The following LHFPL3 variants were observed in gnomAD, a reference collection of about 807,000 sequenced individuals.
LHFPL3 encodes LHFPL tetraspan subfamily member 3, also known as LHFPL tetraspan subfamily member 3 protein.
In LHFPL3, 5 loss-of-function variants were observed where a neutral mutation model predicts 19.3. That is an observed-to-expected ratio of 0.26 (90% CI 0.14 to 0.54). The LOEUF (loss-of-function observed/expected upper bound fraction) is 0.54, where lower values mean the gene tolerates loss of function less well. Ranked by LOEUF, LHFPL3 falls within the 20% of genes least tolerant of loss-of-function variation. The pLI is 0.94. For missense variants in LHFPL3, 249 were observed against 307.4 expected, an observed-to-expected ratio of 0.81 and a Z score of 1.42; for synonymous variants, 133 against 126.2, an observed-to-expected ratio of 1.05 and a Z score of -0.36.
intron 2 of LHFPL3, among the ~76,000 whole-genome samples, chr7:104,827,845 G>A (rs1790855802): frequency 6.6e-6 from 1 of 151,788 alleles, no homozygotes; most frequent in South Asian, 2.1e-4. Flanking sequence ...GCCATCTCTG[G>A]ATCACAGTCC....
intron 2 of LHFPL3, among the ~76,000 whole-genome samples, chr7:104,849,041 C>T (rs1791367069): frequency 1.3e-5 from 2 of 152,116 alleles, no homozygotes; most frequent in South Asian, 4.1e-4. Flanking sequence ...ATCCTCCCAC[C>T]TCAGCCTCCC....
chr7:104,442,965 G>A (rs1445809143), intron 1 of LHFPL3, among the ~76,000 whole-genome samples: 2 of 152,058 alleles, frequency 1.3e-5, no homozygotes, highest in Non-Finnish European at 2.9e-5. Context: ...GTATCCTTTG[G>A]TATGATAATC....
At chr7:104,740,993 G>A (rs1793925602) in intron 2 of LHFPL3, among the ~76,000 whole-genome samples, 2 of 152,166 alleles carry the variant, frequency 1.3e-5, no homozygotes, top group South Asian at 4.1e-4. Context: ...AATTCTAATT[G>A]TTGAACTATG....
At chr7:104,348,425 A>C (rs1790113564) in intron 1 of LHFPL3, among the ~76,000 whole-genome samples, 1 of 152,262 alleles carries the variant, frequency 6.6e-6, no homozygotes, top group Admixed American at 6.5e-5. Flanking sequence ...AAGATTAAAA[A>C]CGATGAACTA....
intron 2 of LHFPL3, among the ~76,000 whole-genome samples, chr7:104,825,855 T>C (rs1790807699): frequency 6.6e-6 from 1 of 151,822 alleles, no homozygotes; most frequent in African/African-American, 2.4e-5. Flanking sequence ...TCATCCCGAG[T>C]TGAGTTAGCT....
At chr7:104,834,788 A>AAC in intron 2 of LHFPL3, among the ~76,000 whole-genome samples, 1 of 151,972 alleles carries the variant, frequency 6.6e-6, no homozygotes, top group Non-Finnish European at 1.5e-5. Context: ...GTTTCGGTGG[A>AAC]ACATGCCCAA....
intron 1 of LHFPL3, among the ~76,000 whole-genome samples, chr7:104,719,087 T>C (rs528510403): frequency 2.0e-5 from 3 of 152,362 alleles, no homozygotes; most frequent in Admixed American, 1.3e-4. Flanking sequence ...GCATGTTCAG[T>C]TGGTATTTAT....
At chr7:104,431,609 C>CT (rs1354750183) in intron 1 of LHFPL3, among the ~76,000 whole-genome samples, 1 of 152,062 alleles carries the variant, frequency 6.6e-6, no homozygotes, top group East Asian at 1.9e-4. Flanking sequence ...AAAGTGGGCT[C>CT]TTTTTTGTGG....
At chr7:104,523,018 A>T (rs1360178960) in intron 1 of LHFPL3, among the ~76,000 whole-genome samples, 2 of 152,070 alleles carry the variant, frequency 1.3e-5, no homozygotes, top group Non-Finnish European at 2.9e-5. Context: ...ATATATGCAC[A>T]TATATACATA....
At chr7:104,712,837 T>G (rs992885950) in intron 1 of LHFPL3, among the ~76,000 whole-genome samples, 5 of 152,228 alleles carry the variant, frequency 3.3e-5, no homozygotes, top group African/African-American at 1.2e-4. Flanking sequence ...ACATTACAGT[T>G]GACAAAATGC....
At chr7:104,411,559 T>C (rs552743360) in intron 1 of LHFPL3, among the ~76,000 whole-genome samples, 1 of 152,318 alleles carries the variant, frequency 6.6e-6, no homozygotes, top group East Asian at 1.9e-4. Flanking sequence ...ATCATAGATC[T>C]GATTAAAACT....
chr7:104,402,103 A>C (rs1791325604), intron 1 of LHFPL3, among the ~76,000 whole-genome samples: 1 of 151,482 alleles, frequency 6.6e-6, no homozygotes, highest in Non-Finnish European at 1.5e-5. Context: ...AAAAAAAAAC[A>C]AAAAACAACA....
chr7:104,611,878 T>A (rs996402429), intron 1 of LHFPL3, among the ~76,000 whole-genome samples: 1 of 152,198 alleles, frequency 6.6e-6, no homozygotes, highest in Non-Finnish European at 1.5e-5. Context: ...TAATAGATGA[T>A]GCAGTCCTGT....
intron 1 of LHFPL3, among the ~76,000 whole-genome samples, chr7:104,551,879 A>G (rs1353493098): frequency 6.6e-6 from 1 of 152,136 alleles, no homozygotes; most frequent in Non-Finnish European, 1.5e-5. Context: ...TTTTTCAGCA[A>G]CTTGGACATC....
chr7:104,663,213 T>C (rs924328244), intron 1 of LHFPL3, among the ~76,000 whole-genome samples: 2 of 152,356 alleles, frequency 1.3e-5, no homozygotes, highest in African/African-American at 2.4e-5. Context: ...AAATGCTTTA[T>C]GGGTTTTTAA....
chr7:104,908,060 A>G lies in LHFPL3; in HGVS notation c.*1845A>G, dbSNP rs1792653248. Among the ~76,000 whole-genome samples, 1 of 152,120 alleles carries G rather than the reference A, an allele frequency of 6.6e-6. No individual in the cohort carries two copies. Among genetic ancestry groups the G allele is most frequent in the Non-Finnish European group, 1.5e-5 (1 of 68,010 alleles). On this transcript the variant is annotated 3_prime_UTR_variant, in exon 3 of 3. Coordinates refer to ENST00000424859, the MANE Select transcript of LHFPL3 (RefSeq NM_199000.3). ...TACTTACTAAATTTAATTACACACA[A>G]CTTTTCAAGAATTCGTATTTTATTT...
intron 1 of LHFPL3, among the ~76,000 whole-genome samples, chr7:104,355,299 C>T (rs1019545259): frequency 6.6e-6 from 1 of 152,110 alleles, no homozygotes; most frequent in Non-Finnish European, 1.5e-5. Flanking sequence ...GACATAATTC[C>T]TTTGCTTTAT....
chr7:104,618,558 G>A lies in LHFPL3; in HGVS notation c.446-118117G>A, dbSNP rs77397194. On this transcript the variant is annotated intron_variant, in intron 1 of 2. Transcript: ENST00000424859. The stretch of plus-strand genomic sequence containing the variant: ...TTTAAGATTCTACGTCTTCCAATTC[G>A]TTATACATTGTTTGATCATGTTAGC... 2.9e-3 allele frequency among the ~76,000 whole-genome samples: 444 copies of A among 151,730 alleles called. 4 individuals are homozygous for A. Among genetic ancestry groups the A allele is most frequent in the African/African-American group, 9.8e-3 (406 of 41,334 alleles).
At chr7:104,594,927 T>C (rs773602647) in intron 1 of LHFPL3, among the ~76,000 whole-genome samples, 1 of 152,220 alleles carries the variant, frequency 6.6e-6, no homozygotes, top group Non-Finnish European at 1.5e-5. Flanking sequence ...TTATTCTAGT[T>C]AGCCATTCGT....
Sources: allele counts gnomAD v4.1 joint callset (sites outside exome capture counted in the v4.1 genomes callset), GRCh38; gene constraint gnomAD v4.1.1; transcripts MANE v1.5; gene names NCBI Gene and HGNC (gene_info 2026-07-23, HGNC 2026-07-21).